DEFB110: variants seen among roughly 807,000 people sequenced by gnomAD.
DEFB110 encodes the protein beta-defensin 110.
A neutral mutation model predicts 2.5 loss-of-function variants in DEFB110; 4 were observed. That is an observed-to-expected ratio of 1.60 (90% confidence interval 0.79 to 3.66). The LOEUF is 3.66. Ranked by LOEUF, DEFB110 falls within the 30% of genes most tolerant of loss-of-function variation. The pLI is 0.01. For missense variants in DEFB110, 94 were observed against 75.4 expected, an observed-to-expected ratio of 1.25 and a Z score of -0.91; for synonymous variants, 29 against 21.8, an observed-to-expected ratio of 1.33 and a Z score of -0.92.
chr6:50,021,119 A>T (rs1184520003), intron 1 of DEFB110, among the ~76,000 whole-genome samples: 1 of 152,144 alleles, frequency 6.6e-6, no homozygotes. Flanking sequence ...TCATCTCCTC[A>T]TTCAAATAGT....
At chr6:50,013,680 G>T (rs1774268822) in intron 1 of DEFB110, among the ~76,000 whole-genome samples, 1 of 151,794 alleles carries the variant, frequency 6.6e-6, no homozygotes, top group Non-Finnish European at 1.5e-5. Context: ...AGAGGAGAAA[G>T]TGAACCTAGA....
chr6:50,018,740 G>A, downstream of DEFB110: 1 of 1,087,308 alleles, frequency 9.2e-7, no homozygotes, highest in African/African-American at 1.6e-5. Flanking sequence ...CTGAAAACTT[G>A]AGGAACTTGC....
At chr6:50,017,968 T>C (rs1045363532), downstream of DEFB110, among the ~76,000 whole-genome samples, 4 of 152,026 alleles carry the variant, frequency 2.6e-5, no homozygotes, top group African/African-American at 9.7e-5. Flanking sequence ...TTGAGGGGTA[T>C]GAAGAGAGGA....
At chr6:50,013,694 T>C (rs1288335526) in intron 1 of DEFB110, among the ~76,000 whole-genome samples, 1 of 151,840 alleles carries the variant, frequency 6.6e-6, no homozygotes, top group Admixed American at 6.6e-5. Flanking sequence ...ACCTAGAAGA[T>C]ATTTCTGAAT....
At chr6:50,009,397 T>C (rs965028909) in intron 1 of DEFB110, 1 of 962,796 alleles carries the variant, frequency 1.0e-6, no homozygotes, top group Non-Finnish European at 1.5e-6. Context: ...CAATGGAACG[T>C]CAAGTTGTTT....
chr6:50,010,125 A>C (rs1412893855), intron 1 of DEFB110, among the ~76,000 whole-genome samples: 1 of 151,962 alleles, frequency 6.6e-6, no homozygotes, highest in African/African-American at 2.4e-5. Context: ...CATTCTACCT[A>C]TCTGGATGAT....
At chr6:50,015,646 T>C (rs1582366110), downstream of DEFB110, among the ~76,000 whole-genome samples, 1 of 151,888 alleles carries the variant, frequency 6.6e-6, no homozygotes, top group East Asian at 1.9e-4. Context: ...TATTGCCTTG[T>C]AATATAATAG....
At chr6:50,015,832 G>A (rs1466105459), downstream of DEFB110, among the ~76,000 whole-genome samples, 1 of 151,520 alleles carries the variant, frequency 6.6e-6, no homozygotes, top group Non-Finnish European at 1.5e-5. Context: ...AATAAATGAG[G>A]GAGAATATAT....
At chr6:50,010,783 T>C (rs1373578474) in intron 1 of DEFB110, among the ~76,000 whole-genome samples, 1 of 151,694 alleles carries the variant, frequency 6.6e-6, no homozygotes, top group Non-Finnish European at 1.5e-5. Context: ...TTTGTAACTG[T>C]TGCTAGAATA....
intron 1 of DEFB110, among the ~76,000 whole-genome samples, chr6:50,013,829 G>C (rs956683052): frequency 6.6e-6 from 1 of 151,740 alleles, no homozygotes; most frequent in African/African-American, 2.4e-5. Flanking sequence ...ACAATGTTTT[G>C]GCCTTTAGGA....
chr6:50,020,889 C>T (rs560406630), intron 1 of DEFB110, among the ~76,000 whole-genome samples: 2 of 152,090 alleles, frequency 1.3e-5, no homozygotes, highest in Non-Finnish European at 2.9e-5. Flanking sequence ...TGTGATTACC[C>T]GTGACAGACA....
Position 50,019,057 on chromosome 6 carries a change from A to T in DEFB110, c.124T>A (p.Cys42Ser), listed in dbSNP as rs574783169. The T allele has an allele frequency of 7.4e-6, 12 of 1,613,122 alleles. No individual in the cohort carries two copies. Among genetic ancestry groups the T allele is most frequent in the Non-Finnish European group, 1.0e-5 (12 of 1,179,454 alleles). The change falls in exon 2 of 2, where the codon TGT (cysteine) becomes AGT (serine). Residue 42 changes from cysteine (C) to serine (S), a missense_variant. Cys to Ser is a moderately radical substitution (Grantham distance 112). Coordinates refer to ENST00000371148, the MANE Select transcript of DEFB110 (RefSeq NM_001037497.2). ...RRECRIGNGQ[C>S]KNQCHENEIR... is the part of the protein sequence containing the mutation. The stretch of plus-strand genomic sequence containing the variant: ...TCATTTTCATGACACTGATTTTTAC[A>T]TTGACCATTACCTATTCTGCACTCT...
intron 1 of DEFB110, among the ~76,000 whole-genome samples, chr6:50,010,360 G>A (rs779838187): frequency 2.0e-5 from 3 of 151,716 alleles, no homozygotes; most frequent in Non-Finnish European, 4.4e-5. Context: ...AAATCAAAAT[G>A]GTAGGCATTT....
At chr6:50,019,745 T>A (rs952422107) in intron 1 of DEFB110, among the ~76,000 whole-genome samples, 2 of 152,088 alleles carry the variant, frequency 1.3e-5, no homozygotes, top group Non-Finnish European at 2.9e-5. Context: ...GATACCTTTT[T>A]TTTTCTTTCA....
intron 1 of DEFB110, among the ~76,000 whole-genome samples, chr6:50,020,960 G>A (rs1010216101): frequency 9.2e-5 from 14 of 152,062 alleles, no homozygotes; most frequent in African/African-American, 3.4e-4. Context: ...GTCCATGAAT[G>A]CACCTTGGAC....
chr6:50,013,847 T>C (rs562566838), downstream of DEFB110, among the ~76,000 whole-genome samples: 25 of 151,942 alleles, frequency 1.6e-4, no homozygotes, highest in African/African-American at 5.8e-4. Flanking sequence ...GGATGTATGT[T>C]TGATATTGAA....
chr6:50,021,985 C>A lies in DEFB110; in HGVS notation c.-50G>T. ...GGGCAACAGACCTCCTTTTTCAAGT[C>A]AGTTGTTTTGAAATAAGGAAACAGA... is the stretch of plus-strand genomic sequence containing the variant. On this transcript the variant is annotated 5_prime_UTR_variant, in exon 1 of 2. Coordinates refer to ENST00000371148, the MANE Select transcript of DEFB110 (RefSeq NM_001037497.2). 3 of 1,462,710 alleles carry A rather than the reference C, an allele frequency of 2.1e-6. No homozygotes were observed. Among genetic ancestry groups the A allele is most frequent in the South Asian group, 2.8e-5 (2 of 72,688 alleles). 90.6% of individuals were successfully genotyped at this position (1,462,710 alleles called of 1,614,324 possible). A position where few individuals can be genotyped will look rare whatever the true frequency, so the allele number is the denominator to read the frequency against.
At chr6:50,010,226 AT>A (rs1327041017) in intron 1 of DEFB110, among the ~76,000 whole-genome samples, 1 of 152,014 alleles carries the variant, frequency 6.6e-6, no homozygotes, top group East Asian at 1.9e-4. Flanking sequence ...ATGAGGCAAA[AT>A]AATTTTGTTA....
At chr6:50,013,348 C>T (rs1408022093) in intron 1 of DEFB110, among the ~76,000 whole-genome samples, 2 of 151,826 alleles carry the variant, frequency 1.3e-5, no homozygotes, top group East Asian at 1.9e-4. Flanking sequence ...GTATCCTAAA[C>T]ATAGATACTA....
Sources: gnomAD v4.1 joint callset for allele counts (sites outside exome capture counted in the v4.1 genomes callset) on GRCh38, gnomAD v4.1.1 for gene constraint, MANE v1.5 for transcripts, NCBI Gene and HGNC (gene_info 2026-07-23, HGNC 2026-07-21) for gene names.